PRKACB: variants seen among roughly 807,000 people sequenced by gnomAD.
PRKACB encodes cAMP-dependent protein kinase catalytic subunit beta.
PRKACB carries 16 observed loss-of-function variants against 51.4 expected under a neutral mutation model. The ratio of observed to expected loss-of-function variants is 0.31; its 90% confidence interval spans 0.21 to 0.47. PRKACB has a LOEUF of 0.47. Ranked by LOEUF, PRKACB falls within the 20% of genes least tolerant of loss-of-function variation. The pLI, the probability that PRKACB is intolerant of heterozygous loss-of-function variation, is 1.00. For synonymous variants in PRKACB, 147 were observed against 154.4 expected (o/e 0.95, Z 0.35); for missense variants, 309 against 464.5 (o/e 0.67, Z 3.08).
chr1:84,085,224 A>G (rs1281127086), intron 1 of PRKACB, among the ~76,000 whole-genome samples: 2 of 152,242 alleles, frequency 1.3e-5, no homozygotes, highest in Non-Finnish European at 2.9e-5. Flanking sequence ...CATGTAAAAT[A>G]TAGCACCAAC....
chr1:84,078,218 C>T (rs1381717595), exon 1 of PRKACB: 3 of 1,293,190 alleles, frequency 2.3e-6, no homozygotes, highest in East Asian at 5.3e-5. Context: ...TAGGCGCACT[C>T]ACCGCTCTGA....
chr1:84,137,269 ATACATAT>A (rs1399493669), intron 1 of PRKACB, among the ~76,000 whole-genome samples: 1 of 152,222 alleles, frequency 6.6e-6, no homozygotes, highest in East Asian at 1.9e-4. Context: ...TAAATTTTAA[ATACATAT>A]TACTAAGTGA....
intron 1 of PRKACB, among the ~76,000 whole-genome samples, chr1:84,136,920 T>G (rs1558000489): frequency 6.6e-6 from 1 of 152,172 alleles, no homozygotes. Context: ...TGGAGGTAAT[T>G]GAATCATGGA....
intron 9 of PRKACB, among the ~76,000 whole-genome samples, chr1:84,234,219 G>C (rs975469933): frequency 6.6e-5 from 10 of 152,230 alleles, no homozygotes; most frequent in African/African-American, 1.9e-4. Context: ...TCCCAGTTAG[G>C]CTGCTCAGGG....
At chr1:84,164,627 G>A (rs530293610) in intron 1 of PRKACB, 26 of 1,380,988 alleles carry the variant, frequency 1.9e-5, no homozygotes, top group Middle Eastern at 2.7e-4. Context: ...TAATGTTGCC[G>A]TGGTAACAAC....
intron 8 of PRKACB, among the ~76,000 whole-genome samples, chr1:84,205,881 A>C (rs866142945): frequency 1.4e-3 from 206 of 152,256 alleles, no homozygotes; most frequent in African/African-American, 4.9e-3. Context: ...ACAAATTCAT[A>C]GTTGAAAGAA....
intron 1 of PRKACB, among the ~76,000 whole-genome samples, chr1:84,110,222 G>A (rs1278451480): frequency 1.3e-5 from 2 of 151,538 alleles, no homozygotes; most frequent in African/African-American, 4.8e-5. Context: ...ACAACAATAT[G>A]AAATAATACA....
chr1:84,230,707 G>A (rs1211406891), intron 9 of PRKACB, among the ~76,000 whole-genome samples: 5 of 146,464 alleles, frequency 3.4e-5, no homozygotes, highest in Admixed American at 1.4e-4. Context: ...GTGAATGGGA[G>A]TTCACTCATG....
At chr1:84,152,911 G>A (rs779982066) in intron 1 of PRKACB, among the ~76,000 whole-genome samples, 1 of 152,112 alleles carries the variant, frequency 6.6e-6, no homozygotes, top group African/African-American at 2.4e-5. Context: ...GGTGCAAGAG[G>A]CCTAGCTTTT....
At chr1:84,195,732 G>T (rs1347126289) in intron 5 of PRKACB, among the ~76,000 whole-genome samples, 2 of 151,992 alleles carry the variant, frequency 1.3e-5, no homozygotes, top group East Asian at 3.9e-4. Flanking sequence ...GGCCAACATG[G>T]TGAAACCCCG....
At chr1:84,180,067 G>A (rs1480476803) in intron 2 of PRKACB, among the ~76,000 whole-genome samples, 1 of 147,218 alleles carries the variant, frequency 6.8e-6, no homozygotes, top group East Asian at 2.0e-4. Flanking sequence ...AAAAAAAGAG[G>A]TCGTTATTTG....
At position 84,175,165 on chromosome 1, in the gene PRKACB, T is replaced by A. The variant is rs566741055; in HGVS notation, c.188-4012T>A. On this transcript the variant is annotated intron_variant, in intron 1 of 9. Coordinates refer to ENST00000370685, the MANE Select transcript of PRKACB (RefSeq NM_182948.4). Reference sequence around the variant, plus strand: ...GTTATATATTTTTAAGTATATCAAGTTAATGAAATATTTTCATTGATGAAG... The same window carrying A: ...GTTATATATTTTTAAGTATATCAAGATAATGAAATATTTTCATTGATGAAG... The A allele has an allele frequency of 2.5e-4, 256 of 1,042,410 alleles. 2 individuals carry two copies. In the South Asian group the frequency reaches 6.5e-3, roughly 26 times the overall value. 64.6% of individuals were successfully genotyped at this position (1,042,410 alleles called of 1,614,324 possible). A position where few individuals can be genotyped will look rare whatever the true frequency, so the allele number is the denominator to read the frequency against.
At chr1:84,078,213 G>A (rs573120992) in exon 1 of PRKACB, 27 of 1,221,224 alleles carry the variant, frequency 2.2e-5, no homozygotes, top group Non-Finnish European at 2.3e-6. Flanking sequence ...AGCGCTAGGC[G>A]CACTCACCGC....
At chr1:84,118,117 C>A (rs1159712607) in intron 1 of PRKACB, among the ~76,000 whole-genome samples, 3 of 152,144 alleles carry the variant, frequency 2.0e-5, no homozygotes, top group Non-Finnish European at 4.4e-5. Context: ...TAGTTCACAG[C>A]AGTCCATGGT....
At chr1:84,182,472 T>G (rs1275180421) in intron 3 of PRKACB, 144 bp downstream of exon 3, 1 of 580,650 alleles carries the variant, frequency 1.7e-6, no homozygotes, top group East Asian at 4.0e-5. Flanking sequence ...AACTAAATTT[T>G]TATTGTAACT....
At chr1:84,224,574 G>A (rs652489) in intron 9 of PRKACB, among the ~76,000 whole-genome samples, 46,914 of 152,046 alleles carry the variant, frequency 0.31, 8,172 homozygotes, top group East Asian at 0.51. Flanking sequence ...GGTGGGGCAG[G>A]GCAATCCCCA....
rs545718695 is a variant in PRKACB at position 84,088,266 on chromosome 1, A to G, written c.46+9895A>G. ...ACTGTTGTCTTCTATTCATATGTTA[A>G]CTTTTCAGGGACATCTGAAACTTGT... On this transcript the variant is annotated intron_variant, in intron 1 of 8. Coordinates refer to the PRKACB transcript ENST00000370688. Among the ~76,000 whole-genome samples the G allele has an allele frequency of 8.5e-5, 13 of 152,262 alleles. 1 individual carries two copies. Among genetic ancestry groups the G allele is most frequent in the Admixed American group, 7.8e-4 (12 of 15,298 alleles).
At chr1:84,196,875 T>G in intron 6 of PRKACB, 133 bp downstream of exon 6, 13 of 968,382 alleles carry the variant, frequency 1.3e-5, no homozygotes, top group East Asian at 5.3e-5. Flanking sequence ...AGCTCAGAGT[T>G]TTGCTGCTAT....
chr1:84,235,180 G>A lies in PRKACB; in HGVS notation c.1072G>A (p.Val358Ile). The change falls in exon 10 of 10, where the codon GTT becomes ATT. Residue 358 changes from valine (V) to isoleucine (I), a missense_variant and splice_region_variant. This residue lies in a region of PRKACB where 96 missense variants were observed against 129.9 expected (regional missense o/e 0.74). Transcript: ENST00000370685. ...ATTTTTCTCTCCCTCTCAATTATAGGTTGAAGCTCCATTCATACCAAAGTT... is the reference window on the plus strand; with the variant it reads ...ATTTTTCTCTCCCTCTCAATTATAGATTGAAGCTCCATTCATACCAAAGTT... ...TDWIAIYQRK[V>I]EAPFIPKFRG... 2 of 1,610,432 alleles carry A rather than the reference G, an allele frequency of 1.2e-6. No homozygotes were observed. The highest frequency in any genetic ancestry group is 2.2e-5 in the South Asian group (2 of 90,394).
Sources: allele counts gnomAD v4.1 joint callset (sites outside exome capture counted in the v4.1 genomes callset), GRCh38; gene constraint gnomAD v4.1.1; regional missense constraint gnomAD v4.1.1; transcripts MANE v1.5; gene names NCBI Gene and HGNC (gene_info 2026-07-23, HGNC 2026-07-21).